PRKN: variants seen among roughly 807,000 people sequenced by gnomAD.
The protein encoded by PRKN is E3 ubiquitin-protein ligase parkin.
A neutral mutation model predicts 59.5 loss-of-function variants in PRKN; 56 were observed. The observed-to-expected ratio is 0.94, with a 90% confidence interval of 0.76 to 1.18. PRKN has a LOEUF of 1.18. Among genes scored for constraint, PRKN ranks in the 50% most tolerant of loss-of-function variants. The pLI is 0.00. For synonymous variants in PRKN, 250 were observed against 222.1 expected, an observed-to-expected ratio of 1.13 and a Z score of -1.12; for missense variants, 657 against 596.4, an observed-to-expected ratio of 1.10 and a Z score of -1.06.
At chr6:162,184,891 C>A (rs1158562838) in intron 4 of PRKN, among the ~76,000 whole-genome samples, 4 of 152,094 alleles carry the variant, frequency 2.6e-5, no homozygotes, top group African/African-American at 9.7e-5. Flanking sequence ...CACTTTTTAA[C>A]AATACGAGTT....
At chr6:161,670,708 C>CCT (rs1562596733) in intron 7 of PRKN, among the ~76,000 whole-genome samples, 1 of 151,994 alleles carries the variant, frequency 6.6e-6, no homozygotes, top group Non-Finnish European at 1.5e-5. Flanking sequence ...CCCAGCTACT[C>CCT]GGGAGGCTGA....
chr6:162,688,995 TCC>T (rs1777668009), intron 1 of PRKN, among the ~76,000 whole-genome samples: 1 of 152,190 alleles, frequency 6.6e-6, no homozygotes, highest in Non-Finnish European at 1.5e-5. Context: ...GAAACACTGT[TCC>T]CTATTATCCT....
At chr6:162,490,771 T>A (rs1380351164) in intron 1 of PRKN, among the ~76,000 whole-genome samples, 2 of 152,144 alleles carry the variant, frequency 1.3e-5, no homozygotes, top group Non-Finnish European at 2.9e-5. Flanking sequence ...GAAAGATGGA[T>A]CGTTCAGGAA....
intron 3 of PRKN, among the ~76,000 whole-genome samples, chr6:162,210,082 C>T (rs1163219607): frequency 1.2e-5 from 1 of 82,420 alleles, no homozygotes; most frequent in Admixed American, 1.2e-4. Flanking sequence ...TGCACATGCA[C>T]CCTATAACTT....
chr6:162,524,874 C>T (rs914989713), intron 1 of PRKN, among the ~76,000 whole-genome samples: 1 of 152,108 alleles, frequency 6.6e-6, no homozygotes, highest in Non-Finnish European at 1.5e-5. Flanking sequence ...TCCAAACTCT[C>T]CCAAGGTTAT....
In PRKN at chr6:161,926,629, C is replaced by T. The variant is rs11966834; in HGVS notation, c.734+46673G>A. Among the ~76,000 whole-genome samples, 583 of 152,238 alleles carry T rather than the reference C, an allele frequency of 3.8e-3. 4 individuals carry two copies. Among genetic ancestry groups the T allele is most frequent in the African/African-American group, 0.013 (557 of 41,534 alleles). ...CCTCTACCAAGGCTACCTTCATGTT[C>T]GTCTTATCCCTGTTGCAGCAATTTG... On this transcript the variant is annotated intron_variant, in intron 6 of 11. Transcript: ENST00000366898.
intron 9 of PRKN, among the ~76,000 whole-genome samples, chr6:161,438,668 C>G (rs982605429): frequency 6.6e-6 from 1 of 151,780 alleles, no homozygotes; most frequent in Non-Finnish European, 1.5e-5. Context: ...ATGTGGAAAC[C>G]GAGAGAGAGA....
At chr6:162,289,849 G>A (rs1781347592) in intron 2 of PRKN, among the ~76,000 whole-genome samples, 1 of 152,112 alleles carries the variant, frequency 6.6e-6, no homozygotes, top group Admixed American at 6.5e-5. Context: ...AATTTCAATA[G>A]CCGTGGGATC....
intron 6 of PRKN, among the ~76,000 whole-genome samples, chr6:161,964,085 A>G (rs1023986752): frequency 1.3e-5 from 2 of 152,108 alleles, no homozygotes; most frequent in African/African-American, 4.8e-5. Flanking sequence ...TTTTCGCTGT[A>G]CAGAGAAAGC....
intron 10 of PRKN, among the ~76,000 whole-genome samples, chr6:161,366,620 A>C (rs1290896714): frequency 6.6e-6 from 1 of 152,190 alleles, no homozygotes; most frequent in Non-Finnish European, 1.5e-5. Flanking sequence ...CTTAATATGT[A>C]GACAAGATTG....
chr6:161,915,724 T>A (rs1778530758), intron 6 of PRKN, among the ~76,000 whole-genome samples: 1 of 152,236 alleles, frequency 6.6e-6, no homozygotes. Flanking sequence ...ATGATAGGTA[T>A]GACAGTTTAA....
chr6:162,124,583 T>C (rs1164416156), intron 4 of PRKN, among the ~76,000 whole-genome samples: 1 of 151,966 alleles, frequency 6.6e-6, no homozygotes, highest in East Asian at 1.9e-4. Flanking sequence ...GTGAATGGAG[T>C]ATGAACGTTG....
chr6:161,559,814 T>C (rs565069075), intron 8 of PRKN, among the ~76,000 whole-genome samples: 1 of 152,300 alleles, frequency 6.6e-6, no homozygotes, highest in East Asian at 1.9e-4. Context: ...AATTAGAACT[T>C]GGATGAACCA....
At position 162,193,648 on chromosome 6, in the gene PRKN, T is replaced by TA. The variant is rs143227300; in HGVS notation, c.534+7482dup. 9.8e-3 allele frequency among the ~76,000 whole-genome samples: 1,499 copies of TA among 152,326 alleles called. 16 individuals carry two copies. Among genetic ancestry groups the TA allele is most frequent in the African/African-American group, 0.034 (1,401 of 41,578 alleles). ...TTTTGTGACCTATACATGTGTGTCC[T>TA]ATGGCCATTTGTAGGAGTTGGTTCT... is the stretch of plus-strand genomic sequence containing the variant. On this transcript the variant is annotated intron_variant, in intron 4 of 11. Transcript: ENST00000366898.
At chr6:161,704,128 T>C (rs1324646910) in intron 7 of PRKN, among the ~76,000 whole-genome samples, 1 of 152,108 alleles carries the variant, frequency 6.6e-6, no homozygotes, top group Non-Finnish European at 1.5e-5. Context: ...AGTGCTGGGA[T>C]TGCAGGTGTT....
At chr6:162,145,485 G>C (rs1001974866) in intron 4 of PRKN, among the ~76,000 whole-genome samples, 1 of 152,216 alleles carries the variant, frequency 6.6e-6, no homozygotes, top group African/African-American at 2.4e-5. Context: ...TGCTAGTGGA[G>C]AGTCTTGCCT....
chr6:162,065,023 T>A (rs1252233961), intron 4 of PRKN, among the ~76,000 whole-genome samples: 1 of 152,204 alleles, frequency 6.6e-6, no homozygotes, highest in Non-Finnish European at 1.5e-5. Context: ...TATGGTTGAA[T>A]CAAATTGTAT....
intron 6 of PRKN, among the ~76,000 whole-genome samples, chr6:161,944,069 G>GATCAGCCTGAGGC (rs1779687491): frequency 9.4e-6 from 1 of 106,086 alleles, no homozygotes; most frequent in Non-Finnish European, 1.9e-5. Context: ...CAGCCTGAGG[G>GATCAGCCTGAGGC]ATCAGCCTGA....
Position 161,533,971 on chromosome 6 carries a change from T to C in PRKN, c.1083+14883A>G, listed in dbSNP as rs1474547049. ...TCGCCGTCACAGTGGTCTCTGTGAC[T>C]TCAGTGAACCCCCTTTCCACCTGTC... is the stretch of plus-strand genomic sequence containing the variant. On this transcript the variant is annotated intron_variant, in intron 9 of 11. Transcript: ENST00000366898. This position sits in a 1 kb window ranked among gnomAD's most constrained non-coding sequence, Gnocchi z 4.1. 1.3e-5 allele frequency among the ~76,000 whole-genome samples: 2 copies of C among 152,112 alleles called. No individual in the cohort carries two copies. Among genetic ancestry groups the C allele is most frequent in the African/African-American group, 4.8e-5 (2 of 41,418 alleles).
Sources: allele counts gnomAD v4.1 joint callset (sites outside exome capture counted in the v4.1 genomes callset), GRCh38; gene constraint gnomAD v4.1.1; non-coding constraint Gnocchi (gnomAD v3.1); transcripts MANE v1.5; gene names NCBI Gene and HGNC (gene_info 2026-07-23, HGNC 2026-07-21).